TENM3: variants seen among roughly 807,000 people sequenced by gnomAD.
TENM3 encodes the protein teneurin transmembrane protein 3.
A neutral mutation model predicts 255.1 loss-of-function variants in TENM3; 63 were observed. That is an observed-to-expected ratio of 0.25 (90% CI 0.20 to 0.30). The LOEUF (loss-of-function observed/expected upper bound fraction) is 0.30, where lower values mean the gene tolerates loss of function less well. Among genes scored for constraint, TENM3 ranks in the 10% least tolerant of loss-of-function variants. The pLI, the probability that TENM3 is intolerant of heterozygous loss-of-function variation, is 1.00. For synonymous variants in TENM3, 1,306 were observed against 1,322.3 expected (o/e 0.99, Z 0.27); for missense variants, 2,929 against 3,461.1 (o/e 0.85, Z 3.86).
At chr4:182,501,378 G>GGT (rs1431811307) in intron 3 of TENM3, among the ~76,000 whole-genome samples, 1 of 148,354 alleles carries the variant, frequency 6.7e-6, no homozygotes, top group African/African-American at 2.5e-5. Context: ...AAAAGTGGGG[G>GGT]GGGGGGTTGG....
intron 3 of TENM3, among the ~76,000 whole-genome samples, chr4:182,382,723 A>G: frequency 6.6e-6 from 1 of 152,214 alleles, no homozygotes; most frequent in East Asian, 1.9e-4. Context: ...GCACATTGAA[A>G]GGCAGGCAGA....
intron 3 of TENM3, among the ~76,000 whole-genome samples, chr4:182,534,938 A>G (rs551743372): frequency 1.8e-4 from 28 of 152,318 alleles, no homozygotes; most frequent in Admixed American, 6.5e-4. Context: ...CTCTTATACT[A>G]TGTAGCACCT....
chr4:182,588,471 T>C (rs1200224711), intron 3 of TENM3, among the ~76,000 whole-genome samples: 1 of 152,186 alleles, frequency 6.6e-6, no homozygotes, highest in Non-Finnish European at 1.5e-5. Flanking sequence ...TTATATCATA[T>C]CATATATACT....
chr4:182,026,177 T>G, the TENM3 span, among the ~76,000 whole-genome samples: 2 of 152,218 alleles, frequency 1.3e-5, no homozygotes, highest in Non-Finnish European at 2.9e-5. Context: ...GGCTGCATAG[T>G]GCTCCATGGT....
chr4:181,706,298 G>A, the TENM3 span, among the ~76,000 whole-genome samples: 19 of 152,206 alleles, frequency 1.2e-4, no homozygotes, highest in Admixed American at 2.6e-4. Flanking sequence ...ATATGACCCC[G>A]CCTCCAAATC....
At chr4:181,674,339 C>A in the TENM3 span, among the ~76,000 whole-genome samples, 1 of 151,262 alleles carries the variant, frequency 6.6e-6, no homozygotes, top group African/African-American at 2.4e-5. Context: ...CTTACTACTG[C>A]AATAATAATC....
intron 1 of TENM3, among the ~76,000 whole-genome samples, chr4:182,177,149 G>A (rs1752546680): frequency 2.6e-5 from 4 of 152,042 alleles, no homozygotes; most frequent in Admixed American, 2.6e-4. Flanking sequence ...GCTGTGCTCT[G>A]GTGCTCAGGT....
chr4:182,571,035 A>T (rs72701954), intron 3 of TENM3, among the ~76,000 whole-genome samples: 1 of 152,080 alleles, frequency 6.6e-6, no homozygotes, highest in Admixed American at 6.5e-5. Context: ...ATGATTTTTA[A>T]CTAAATGCTA....
At chr4:182,617,430 C>T (rs1012302345) in intron 4 of TENM3, among the ~76,000 whole-genome samples, 12 of 152,166 alleles carry the variant, frequency 7.9e-5, no homozygotes, top group Non-Finnish European at 1.8e-4. Flanking sequence ...TTTCCAGGTA[C>T]ATTTAATCCA....
chr4:182,545,171 A>G (rs543573227), intron 3 of TENM3, among the ~76,000 whole-genome samples: 4 of 152,330 alleles, frequency 2.6e-5, no homozygotes, highest in East Asian at 1.9e-4. Flanking sequence ...CTATGAGTCT[A>G]TCACGTGAGT....
rs986389803 is a variant in TENM3, at chr4:182,799,526, CG to C, written c.7345-69del. The stretch of plus-strand genomic sequence containing the variant: ...TGCCCCGGCGCTGCCCCCAGAGTCC[CG>C]TGTGTGGGTCAGGAGTGGGGAGGCT... On this transcript the variant is annotated intron_variant, in intron 27 of 27. Coordinates refer to ENST00000511685, the MANE Select transcript of TENM3 (RefSeq NM_001080477.4). The surrounding 1 kb of genome is among the most constrained non-coding windows in gnomAD (Gnocchi z 4.2). The C allele has an allele frequency of 1.3e-5, 19 of 1,499,842 alleles. No individual in the cohort carries two copies. In the African/African-American group the frequency reaches 2.5e-4, roughly 20 times the overall value. 92.9% of individuals were successfully genotyped at this position (1,499,842 alleles called of 1,614,324 possible).
intron 12 of TENM3, among the ~76,000 whole-genome samples, chr4:182,710,648 T>C (rs1758683489): frequency 1.3e-5 from 2 of 152,226 alleles, no homozygotes; most frequent in South Asian, 2.1e-4. Context: ...AACTGAGGGT[T>C]ACAGTTTCAG....
intron 3 of TENM3, among the ~76,000 whole-genome samples, chr4:182,560,973 C>T (rs190736529): frequency 4.6e-5 from 7 of 152,236 alleles, no homozygotes; most frequent in South Asian, 2.1e-4. Context: ...ATCCATTCCT[C>T]TCCGTTCATG....
chr4:181,583,411 A>AC, the TENM3 span, among the ~76,000 whole-genome samples: 92,909 of 151,940 alleles, frequency 0.61, 28,706 homozygotes, highest in Admixed American at 0.67. Context: ...TAGGGTGACC[A>AC]ACTTTCCATT....
At chr4:182,504,173 C>T (rs949713612) in intron 3 of TENM3, among the ~76,000 whole-genome samples, 11 of 151,878 alleles carry the variant, frequency 7.2e-5, no homozygotes, top group African/African-American at 2.7e-4. Flanking sequence ...CCCTTCCTTC[C>T]CATGGAACTT....
At chr4:182,600,857 G>C in intron 3 of TENM3, 67 bp from the exon 4 acceptor site, 8 of 704,072 alleles carry the variant, frequency 1.1e-5, no homozygotes, top group Non-Finnish European at 1.6e-5. Flanking sequence ...GAAATTGGTA[G>C]TGTGTATATA....
At chr4:181,851,310 C>T in the TENM3 span, among the ~76,000 whole-genome samples, 1 of 152,188 alleles carries the variant, frequency 6.6e-6, no homozygotes, top group Non-Finnish European at 1.5e-5. Flanking sequence ...AAGTTCAACC[C>T]ATACAACATA....
chr4:182,434,582 G>C (rs1043176084), intron 3 of TENM3, among the ~76,000 whole-genome samples: 2 of 151,310 alleles, frequency 1.3e-5, no homozygotes, highest in African/African-American at 4.9e-5. Context: ...AGAATCACTT[G>C]AACCCAGGAG....
intron 3 of TENM3, among the ~76,000 whole-genome samples, chr4:182,596,373 T>A (rs938815317): frequency 6.6e-6 from 1 of 152,116 alleles, no homozygotes; most frequent in Non-Finnish European, 1.5e-5. Flanking sequence ...ATCCTGCCCG[T>A]AGGGAGCTGA....
Sources: gnomAD v4.1 joint callset for allele counts (sites outside exome capture counted in the v4.1 genomes callset) on GRCh38, gnomAD v4.1.1 for gene constraint, Gnocchi (gnomAD v3.1) non-coding constraint, MANE v1.5 for transcripts, NCBI Gene and HGNC (gene_info 2026-07-23, HGNC 2026-07-21) for gene names.